The following PLA2G6 variants were observed in gnomAD, a reference collection of about 807,000 sequenced individuals.
The protein encoded by PLA2G6 is phospholipase A2 group VI, also known as 85/88 kDa calcium-independent phospholipase A2.
In PLA2G6, 62 loss-of-function variants were observed where a neutral mutation model predicts 83.8. The ratio of observed to expected loss-of-function variants is 0.74; its 90% CI spans 0.60 to 0.91. The LOEUF is 0.91. Among genes scored for constraint, PLA2G6 ranks in the 40% least tolerant of loss-of-function variants. PLA2G6 has a pLI of 0.00. For missense variants in PLA2G6, 944 were observed against 1,102.0 expected, an observed-to-expected ratio of 0.86 and a Z score of 2.03; for synonymous variants, 417 against 449.8, an observed-to-expected ratio of 0.93 and a Z score of 0.92.
intron 1 of PLA2G6, among the ~76,000 whole-genome samples, chr22:38,179,347 G>C (rs766084369): frequency 6.6e-6 from 1 of 152,168 alleles, no homozygotes; most frequent in Non-Finnish European, 1.5e-5. Context: ...AGGCATCATA[G>C]ATAATCTCAC....
At position 38,132,040 on chromosome 22, in the gene PLA2G6, G is replaced by A; in HGVS notation, c.1077+791C>T. ...TGAGGCAGGAGAATCGCTTGAACCTGGGAGGCGGAGGTTGTGGTGAGCCGA... is the reference window on the plus strand; with the variant it reads ...TGAGGCAGGAGAATCGCTTGAACCTAGGAGGCGGAGGTTGTGGTGAGCCGA... On this transcript the variant is annotated intron_variant, in intron 7 of 16. Coordinates refer to ENST00000332509, the MANE Select transcript of PLA2G6 (RefSeq NM_003560.4). This position sits in a 1 kb window ranked among gnomAD's most constrained non-coding sequence, Gnocchi z 5.0. 7.0e-6 allele frequency: 3 copies of A among 430,116 alleles called. No homozygotes were observed. The highest frequency in any genetic ancestry group is 4.1e-5 in the African/African-American group (2 of 48,934). 26.6% of individuals were successfully genotyped at this position (430,116 alleles called of 1,614,324 possible).
At chr22:38,148,486 G>T in intron 2 of PLA2G6, 1 of 716,638 alleles carries the variant, frequency 1.4e-6, no homozygotes, top group South Asian at 1.5e-5. Context: ...AGACACTGAT[G>T]ACTCACCAGG....
In PLA2G6 at chr22:38,128,415, G is replaced by A. The variant is rs935931186; in HGVS notation, c.1202C>T (p.Ala401Val). The A allele has an allele frequency of 4.3e-6, 7 of 1,613,960 alleles. No individual in the cohort carries two copies. The highest frequency in any genetic ancestry group is 1.1e-5 in the South Asian group (1 of 91,084). Residue 401 changes from alanine to valine, a missense_variant, in exon 9 of 17, where the codon GCG becomes GTG. Ala to Val is a moderately conservative substitution (Grantham distance 64). Transcript: ENST00000332509. This position sits in a 1 kb window ranked among gnomAD's most constrained non-coding sequence, Gnocchi z 4.4. ...CACGGTTCTCAGCAGAGTCAAGATC[G>A]CCTTCCTGGTGACAACTTGTCATGG... ...SKIGRLVTRK[A>V]ILTLLRTVGA...
chr22:38,120,503 A>G (rs1358560593), intron 12 of PLA2G6, among the ~76,000 whole-genome samples: 4 of 151,498 alleles, frequency 2.6e-5, no homozygotes, highest in Non-Finnish European at 4.4e-5. Flanking sequence ...GGCAGGGCAG[A>G]GCCGGGCAGG....
intron 3 of PLA2G6, 121 bp from the exon 4 acceptor site, chr22:38,143,409 C>A (rs1025199151): frequency 1.2e-6 from 1 of 855,460 alleles, no homozygotes. Flanking sequence ...TATTTGAGCT[C>A]AAGAGCATTC....
At chr22:38,129,307 C>T in intron 8 of PLA2G6, 147 bp downstream of exon 8, 2 of 693,008 alleles carry the variant, frequency 2.9e-6, no homozygotes, top group Non-Finnish European at 5.3e-6. Flanking sequence ...GAAGCCCCCT[C>T]TCTGAGTACG....
intron 2 of PLA2G6, among the ~76,000 whole-genome samples, chr22:38,158,482 T>C (rs2089882446): frequency 6.6e-6 from 1 of 152,256 alleles, no homozygotes; most frequent in East Asian, 1.9e-4. Flanking sequence ...CGTCAAGATA[T>C]TTTCTAAATT....
At chr22:38,162,870 G>A (rs1263302278) in intron 2 of PLA2G6, among the ~76,000 whole-genome samples, 1 of 152,146 alleles carries the variant, frequency 6.6e-6, no homozygotes, top group East Asian at 1.9e-4. Flanking sequence ...AGCCAGGTGT[G>A]GGTTACAGTG....
chr22:38,181,472 A>AT (rs1430401452), intron 1 of PLA2G6, among the ~76,000 whole-genome samples, 192 bp downstream of exon 1: 3 of 151,994 alleles, frequency 2.0e-5, no homozygotes, highest in East Asian at 1.9e-4. Context: ...GAAGTTAGGG[A>AT]TACTGAGGGA....
Position 38,114,841 on chromosome 22 carries a change from A to AT in PLA2G6, c.2034+685dup, listed in dbSNP as rs11570757. Among the ~76,000 whole-genome samples the AT allele has an allele frequency of 5.5e-4, 84 of 152,260 alleles. No individual in the cohort carries two copies. The East Asian group carries it at 0.015, about 28-fold the overall frequency. On this transcript the variant is annotated intron_variant, in intron 14 of 16. Coordinates refer to ENST00000332509, the MANE Select transcript of PLA2G6 (RefSeq NM_003560.4). ...GCAGCCTCCCCAGGCAGGCGCTATG[A>AT]TGGCCCCATTAGGTAGCTGCAGTGA...
intron 4 of PLA2G6, chr22:38,142,656 T>C (rs149360038): frequency 6.6e-5 from 17 of 257,956 alleles, no homozygotes; most frequent in African/African-American, 3.7e-4. Flanking sequence ...TTAAGAAAGT[T>C]TGTGAATTTG....
At position 38,128,058 on chromosome 22, in the gene PLA2G6, G is replaced by T; in HGVS notation, c.1348+211C>A. 1.7e-6 allele frequency: 1 copy of T among 595,008 alleles called. No homozygotes were observed. The highest frequency in any genetic ancestry group is 3.0e-6 in the Non-Finnish European group (1 of 333,420). 36.9% of individuals were successfully genotyped at this position (595,008 alleles called of 1,614,324 possible). A position where few individuals can be genotyped will look rare whatever the true frequency, so the allele number is the denominator to read the frequency against. On this transcript the variant is annotated intron_variant, in intron 9 of 16. Transcript: ENST00000332509. This position sits in a 1 kb window ranked among gnomAD's most constrained non-coding sequence, Gnocchi z 4.4. ...GTGTGCAGGACACATCCTCTCAGGG[G>T]CAACGGAGCATGGGACATCAGCCAG...
In PLA2G6 at chr22:38,113,569, T is replaced by G; in HGVS notation, c.2120A>C (p.Asp707Ala). Reference sequence around the variant, plus strand: ...CCAGGGGTTGCTGGGACGGAAGACATCCACACAGGTCACAGGCACTTGTGG... The same window carrying G: ...CCAGGGGTTGCTGGGACGGAAGACAGCCACACAGGTCACAGGCACTTGTGG... Reference protein sequence around the residue: ...RSPQVPVTCVDVFRPSNPWEL... With the variant: ...RSPQVPVTCVAVFRPSNPWEL... The change falls in exon 15 of 17, where the codon GAT (aspartate) becomes GCT (alanine). Residue 707 changes from aspartate (D) to alanine (A), a missense_variant. Asp to Ala is a moderately radical substitution (Grantham distance 126). Coordinates refer to ENST00000332509, the MANE Select transcript of PLA2G6 (RefSeq NM_003560.4). 1 of 1,613,912 alleles carries G rather than the reference T, an allele frequency of 6.2e-7. No individual in the cohort carries two copies. Among genetic ancestry groups the G allele is most frequent in the Non-Finnish European group, 8.5e-7 (1 of 1,179,954 alleles).
chr22:38,140,524 A>AC (rs1365805004), intron 4 of PLA2G6: 1 of 283,256 alleles, frequency 3.5e-6, no homozygotes, highest in African/African-American at 2.2e-5. Flanking sequence ...AAAGAACGTA[A>AC]AGAGAAGCAC....
chr22:38,175,970 T>C (rs2090615576), intron 1 of PLA2G6, among the ~76,000 whole-genome samples: 1 of 152,108 alleles, frequency 6.6e-6, no homozygotes, highest in South Asian at 2.1e-4. Context: ...TTTATTCCCT[T>C]GAAGGTGATA....
intron 1 of PLA2G6, among the ~76,000 whole-genome samples, chr22:38,181,440 G>A (rs1251669100): frequency 6.6e-6 from 1 of 152,124 alleles, no homozygotes; most frequent in Non-Finnish European, 1.5e-5. Context: ...GTCGGGGAAA[G>A]AGAAGAGATG....
intron 1 of PLA2G6, 65 bp from the exon 2 acceptor site, chr22:38,169,536 G>GGAAA: frequency 1.1e-6 from 1 of 887,314 alleles, no homozygotes; most frequent in Non-Finnish European, 1.8e-6. Context: ...ACCCAGTGCA[G>GGAAA]CGGTTTCCTG....
rs2086894400 is a variant in PLA2G6, at chr22:38,112,061, T to G, written c.*100A>C. 1.4e-6 allele frequency: 2 copies of G among 1,380,416 alleles called. No individual in the cohort carries two copies. Among genetic ancestry groups the G allele is most frequent in the Non-Finnish European group, 2.0e-6 (2 of 994,782 alleles). 85.5% of individuals were successfully genotyped at this position (1,380,416 alleles called of 1,614,324 possible). A position where few individuals can be genotyped will look rare whatever the true frequency, so the allele number is the denominator to read the frequency against. ...CAGGCCTGGTCTATGGACTCAGAGG[T>G]GCCTGGGCCCAGATCTGCCCGGGAG... On this transcript the variant is annotated 3_prime_UTR_variant, in exon 17 of 17. Transcript: ENST00000332509.
At chr22:38,149,134 G>A (rs2089434293) in intron 2 of PLA2G6, 1 of 152,414 alleles carries the variant, frequency 6.6e-6, no homozygotes, top group Non-Finnish European at 1.5e-5. Flanking sequence ...CAAAGTGCTG[G>A]GATTACAGGC....
Sources: gnomAD v4.1 joint callset for allele counts (sites outside exome capture counted in the v4.1 genomes callset) on GRCh38, gnomAD v4.1.1 for gene constraint, Gnocchi (gnomAD v3.1) non-coding constraint, MANE v1.5 for transcripts, NCBI Gene and HGNC (gene_info 2026-07-23, HGNC 2026-07-21) for gene names.